Variants in PTPRT observed in about 807,000 individuals in gnomAD.
The protein encoded by PTPRT is receptor-type tyrosine-protein phosphatase T.
A neutral mutation model predicts 176.8 loss-of-function variants in PTPRT; 56 were observed. That is an observed-to-expected ratio of 0.32 (90% CI 0.26 to 0.40). The LOEUF (loss-of-function observed/expected upper bound fraction) is 0.40, where lower values mean the gene tolerates loss of function less well. Ranked by LOEUF, PTPRT falls within the 10% of genes least tolerant of loss-of-function variation. The pLI is 1.00. For synonymous variants in PTPRT, 783 were observed against 739.0 expected, an observed-to-expected ratio of 1.06 and a Z score of -0.96; for missense variants, 1,540 against 1,908.2, an observed-to-expected ratio of 0.81 and a Z score of 3.60.
chr20:43,143,211 CT>C (rs1253666750), intron 1 of PTPRT, among the ~76,000 whole-genome samples: 1 of 152,186 alleles, frequency 6.6e-6, no homozygotes, highest in African/African-American at 2.4e-5. Context: ...CCTACCTGAT[CT>C]TCCTGAAACT....
At chr20:42,420,455 GGAGA>G (rs143739738) in intron 9 of PTPRT, among the ~76,000 whole-genome samples, 1 of 151,888 alleles carries the variant, frequency 6.6e-6, no homozygotes, top group East Asian at 1.9e-4. Context: ...TAGAAAACCC[GGAGA>G]GAGAGAGAGA....
At chr20:42,790,823 T>G (rs932752494) in intron 3 of PTPRT, among the ~76,000 whole-genome samples, 2 of 152,146 alleles carry the variant, frequency 1.3e-5, no homozygotes, top group Non-Finnish European at 2.9e-5. Flanking sequence ...CTTTTACGAG[T>G]TATTTCATCT....
intron 9 of PTPRT, among the ~76,000 whole-genome samples, chr20:42,428,919 C>T (rs1025940462): frequency 6.6e-6 from 1 of 152,114 alleles, no homozygotes; most frequent in Admixed American, 6.5e-5. Context: ...CAAAACTGCG[C>T]CTTTACTCCT....
chr20:43,188,364 C>T (rs1434641904), intron 1 of PTPRT, among the ~76,000 whole-genome samples: 1 of 152,208 alleles, frequency 6.6e-6, no homozygotes, highest in Non-Finnish European at 1.5e-5. Flanking sequence ...TGTCCCTTCA[C>T]AGAAGTCGCC....
At position 42,119,966 on chromosome 20, in the gene PTPRT, G is replaced by A; in HGVS notation, c.2853C>T (p.Tyr951=). ...DYINANYIDG[Y]HRPRHYIATQ... is the part of the protein sequence containing the mutation. ...TCGCAATGTAGTGCCGAGGTCGATG[G>A]TATCCCTGGATAACAGGAGAAAAGC... Residue 951 remains tyrosine, a synonymous_variant, in exon 20 of 31, where the codon TAC becomes TAT. Coordinates refer to ENST00000373187, the MANE Select transcript of PTPRT (RefSeq NM_007050.6). The A allele has an allele frequency of 6.2e-7, 1 of 1,608,252 alleles. No homozygotes were observed. Among genetic ancestry groups the A allele is most frequent in the Non-Finnish European group, 8.5e-7 (1 of 1,177,284 alleles).
At chr20:42,333,627 C>G (rs1341015349) in intron 11 of PTPRT, among the ~76,000 whole-genome samples, 2 of 152,056 alleles carry the variant, frequency 1.3e-5, no homozygotes, top group Non-Finnish European at 2.9e-5. Flanking sequence ...CCACTGCGCC[C>G]AGCCAGGCTT....
intron 29 of PTPRT, among the ~76,000 whole-genome samples, chr20:42,082,377 G>C (rs1983419758): frequency 6.6e-6 from 1 of 152,248 alleles, no homozygotes; most frequent in Non-Finnish European, 1.5e-5. Flanking sequence ...GGATGGTACT[G>C]TGTCTTTGTA....
chr20:42,299,375 T>C (rs1404035069), intron 12 of PTPRT, among the ~76,000 whole-genome samples: 1 of 152,076 alleles, frequency 6.6e-6, no homozygotes, highest in Non-Finnish European at 1.5e-5. Flanking sequence ...AACCAAATAA[T>C]TTTCAACACA....
chr20:42,760,522 A>T, intron 5 of PTPRT, among the ~76,000 whole-genome samples: 1 of 150,454 alleles, frequency 6.6e-6, no homozygotes, highest in African/African-American at 2.4e-5. Context: ...TAAATAAATC[A>T]CTCCGTAGCT....
intron 7 of PTPRT, among the ~76,000 whole-genome samples, chr20:42,583,436 G>T (rs76104829): frequency 0.012 from 1,840 of 152,306 alleles, 37 homozygotes; most frequent in African/African-American, 0.042. Flanking sequence ...AAAAGTGTCT[G>T]GGGATCACTA....
intron 12 of PTPRT, among the ~76,000 whole-genome samples, chr20:42,288,744 G>A (rs1177612023): frequency 1.3e-5 from 2 of 151,812 alleles, no homozygotes; most frequent in East Asian, 3.9e-4. Flanking sequence ...TATGAACCAT[G>A]TTTTCTTTAT....
chr20:43,166,229 A>T (rs1384659553), intron 1 of PTPRT, among the ~76,000 whole-genome samples: 1 of 151,814 alleles, frequency 6.6e-6, no homozygotes, highest in Admixed American at 6.6e-5. Flanking sequence ...CGGGAGGCTG[A>T]GGCAGGAGAA....
intron 2 of PTPRT, among the ~76,000 whole-genome samples, chr20:42,882,540 A>G (rs1401070150): frequency 6.6e-6 from 1 of 152,200 alleles, no homozygotes; most frequent in African/African-American, 2.4e-5. Flanking sequence ...AGCAAAGAGG[A>G]AAATACATGA....
the PTPRT span, among the ~76,000 whole-genome samples, chr20:42,046,982 CTG>C: frequency 1.3e-5 from 2 of 152,348 alleles, no homozygotes; most frequent in Non-Finnish European, 2.9e-5. Context: ...GATACTTTCA[CTG>C]TGTTACATAG....
intron 7 of PTPRT, among the ~76,000 whole-genome samples, chr20:42,554,113 GAA>G (rs923559533): frequency 3.9e-5 from 6 of 152,196 alleles, no homozygotes; most frequent in African/African-American, 1.4e-4. Flanking sequence ...TGGGAGAAGA[GAA>G]AAGAGTCCGT....
At chr20:42,874,152 C>T (rs949481294) in intron 2 of PTPRT, among the ~76,000 whole-genome samples, 2 of 152,128 alleles carry the variant, frequency 1.3e-5, no homozygotes, top group Non-Finnish European at 2.9e-5. Flanking sequence ...TTCTCAGCAA[C>T]GTCTTCCTCT....
At chr20:42,435,135 T>C (rs1317653742) in intron 9 of PTPRT, among the ~76,000 whole-genome samples, 2 of 149,220 alleles carry the variant, frequency 1.3e-5, no homozygotes, top group African/African-American at 5.0e-5. Context: ...TATGTATATA[T>C]ATAGGAGTGT....
At chr20:42,134,254 T>C (rs533983285) in intron 18 of PTPRT, among the ~76,000 whole-genome samples, 48 of 152,336 alleles carry the variant, frequency 3.2e-4, no homozygotes, top group African/African-American at 1.0e-3. Flanking sequence ...TACGAGGTAA[T>C]TTACAAGCAG....
chr20:42,681,873 A>G (rs2075609535), intron 6 of PTPRT, among the ~76,000 whole-genome samples: 1 of 152,234 alleles, frequency 6.6e-6, no homozygotes, highest in African/African-American at 2.4e-5. Flanking sequence ...CAAGCTGCAG[A>G]CACAGACACA....
Sources: gnomAD v4.1 joint callset for allele counts (sites outside exome capture counted in the v4.1 genomes callset) on GRCh38, gnomAD v4.1.1 for gene constraint, MANE v1.5 for transcripts, NCBI Gene and HGNC (gene_info 2026-07-23, HGNC 2026-07-21) for gene names.